DOCK4: variants seen among roughly 807,000 people sequenced by gnomAD.
DOCK4 encodes the protein dedicator of cytokinesis 4, also known as dedicator of cytokinesis protein 4.
In DOCK4, 97 loss-of-function variants were observed where a neutral mutation model predicts 268.1. That is an observed-to-expected ratio of 0.36 (90% CI 0.31 to 0.43). The LOEUF (loss-of-function observed/expected upper bound fraction) is 0.43, where lower values mean the gene tolerates loss of function less well. Among genes scored for constraint, DOCK4 ranks in the 20% least tolerant of loss-of-function variants. The pLI is 1.00. For synonymous variants in DOCK4, 954 were observed against 887.2 expected (o/e 1.08, Z -1.34); for missense variants, 2,145 against 2,455.7 (o/e 0.87, Z 2.67).
Position 111,935,647 on chromosome 7 carries a change from T to A in DOCK4, c.978-19A>T. 1 of 1,599,838 alleles carries A rather than the reference T, an allele frequency of 6.3e-7. No individual in the cohort carries two copies. The highest frequency in any genetic ancestry group is 8.6e-7 in the Non-Finnish European group (1 of 1,167,544). ...GTTACACCTATGAAAACATTAACACTCTGTTAAGCTTTAATGATGCATGCA... is the reference window on the plus strand; with the variant it reads ...GTTACACCTATGAAAACATTAACACACTGTTAAGCTTTAATGATGCATGCA... On this transcript the variant is annotated intron_variant, in intron 11 of 52. Transcript: ENST00000428084.
intron 1 of DOCK4, among the ~76,000 whole-genome samples, chr7:112,082,042 G>A (rs957702169): frequency 2.6e-5 from 3 of 114,168 alleles, no homozygotes; most frequent in East Asian, 2.2e-4. Context: ...GAGTACCTAC[G>A]CTGGAGAGGC....
At chr7:111,783,016 A>AAC in intron 34 of DOCK4, 92 bp from the exon 35 acceptor site, 59 of 1,049,210 alleles carry the variant, frequency 5.6e-5, no homozygotes, top group African/African-American at 9.3e-5. Flanking sequence ...GAAAGAAAGA[A>AAC]AGAAAAAAAA....
chr7:112,196,164 G>A (rs1820411302), intron 1 of DOCK4, among the ~76,000 whole-genome samples: 1 of 152,134 alleles, frequency 6.6e-6, no homozygotes, highest in African/African-American at 2.4e-5. Flanking sequence ...CAACGCGAAG[G>A]ACTGAGCTAA....
chr7:111,779,990 G>A (rs1292915960), intron 35 of DOCK4, among the ~76,000 whole-genome samples: 2 of 152,148 alleles, frequency 1.3e-5, no homozygotes, highest in Non-Finnish European at 2.9e-5. Context: ...CGGTGATGAG[G>A]GAATAAATCT....
intron 36 of DOCK4, among the ~76,000 whole-genome samples, chr7:111,772,354 T>C (rs78480247): frequency 0.078 from 11,897 of 151,802 alleles, 1,098 homozygotes; most frequent in African/African-American, 0.22. Context: ...ATCTGGGTGA[T>C]AGAGTGAGAC....
intron 19 of DOCK4, 53 bp from the exon 20 acceptor site, chr7:111,872,143 T>C: frequency 1.0e-6 from 1 of 985,914 alleles, no homozygotes; most frequent in Non-Finnish European, 1.4e-6. Flanking sequence ...AAGGTTTTCC[T>C]TTTTTTTTTG....
intron 4 of DOCK4, among the ~76,000 whole-genome samples, chr7:111,997,412 T>C (rs1800057801): frequency 6.6e-6 from 1 of 152,230 alleles, no homozygotes; most frequent in Admixed American, 6.5e-5. Context: ...ATAAGACATG[T>C]AGAGTAATGG....
chr7:112,095,257 T>G (rs2135781854), intron 1 of DOCK4, among the ~76,000 whole-genome samples: 1 of 152,228 alleles, frequency 6.6e-6, no homozygotes, highest in East Asian at 1.9e-4. Context: ...GTTAAATCAC[T>G]GAGGAACACA....
intron 26 of DOCK4, among the ~76,000 whole-genome samples, chr7:111,824,069 CTTTAAATGGCTAGACAGA>C (rs1004516216): frequency 2.0e-4 from 31 of 152,290 alleles, no homozygotes; most frequent in Middle Eastern, 3.4e-3. Flanking sequence ...GGTCATCCAT[CTTTAAATGGCTAGACAGA>C]TCCGGTCCAT....
chr7:111,938,691 T>C (rs1794938182), intron 11 of DOCK4, among the ~76,000 whole-genome samples: 2 of 152,170 alleles, frequency 1.3e-5, no homozygotes, highest in African/African-American at 2.4e-5. Context: ...AAAGGTAACG[T>C]TGAAGTCCTA....
chr7:112,009,859 C>A (rs1801148115), intron 1 of DOCK4, among the ~76,000 whole-genome samples: 1 of 152,180 alleles, frequency 6.6e-6, no homozygotes. Context: ...CACCGTCGCC[C>A]AGGCTGGAGT....
chr7:112,105,814 A>G (rs555565413), intron 1 of DOCK4, among the ~76,000 whole-genome samples: 42 of 151,706 alleles, frequency 2.8e-4, no homozygotes, highest in Non-Finnish European at 5.4e-4. Context: ...TCAGCCTCCC[A>G]GGTAGCTGGG....
chr7:111,804,792 G>A (rs1800553265), intron 30 of DOCK4, among the ~76,000 whole-genome samples: 1 of 151,892 alleles, frequency 6.6e-6, no homozygotes, highest in Non-Finnish European at 1.5e-5. Flanking sequence ...CAGAGACGGG[G>A]TTTCGTCATG....
chr7:111,870,704 T>A (rs898290344), intron 20 of DOCK4, among the ~76,000 whole-genome samples: 1 of 152,160 alleles, frequency 6.6e-6, no homozygotes, highest in African/African-American at 2.4e-5. Context: ...AGTAGGTAGA[T>A]GTTGGTGGAG....
intron 8 of DOCK4, chr7:111,971,798 C>A: frequency 3.3e-6 from 1 of 299,558 alleles, no homozygotes; most frequent in Non-Finnish European, 6.3e-6. Flanking sequence ...CAGCCACTTA[C>A]GGGGGATGGC....
chr7:111,855,839 C>G (rs1028314178), intron 23 of DOCK4, among the ~76,000 whole-genome samples: 1 of 152,154 alleles, frequency 6.6e-6, no homozygotes, highest in Non-Finnish European at 1.5e-5. Context: ...GTATTTCCAT[C>G]CTAATATATT....
intron 8 of DOCK4, among the ~76,000 whole-genome samples, chr7:111,947,303 T>G (rs1795694724): frequency 6.6e-6 from 1 of 152,224 alleles, no homozygotes; most frequent in Admixed American, 6.5e-5. Context: ...TTATGGCTGT[T>G]TTGGAACACT....
In DOCK4 at chr7:111,760,245, G is replaced by A. The variant is rs2133588269; in HGVS notation, c.4098C>T (p.Pro1366=). 1.2e-6 allele frequency: 2 copies of A among 1,613,994 alleles called. No homozygotes were observed. The highest frequency in any genetic ancestry group is 1.7e-6 in the Non-Finnish European group (2 of 1,179,888). ...AFQQRMLNEF[P]HAIAMQHANQ... The stretch of plus-strand genomic sequence containing the variant: ...TGGCGTGCTGCATGGCGATGGCATG[G>A]GGGAACTCGTTCAGCATTCTCTGTT... Residue 1366 remains proline (P), a synonymous_variant, in exon 40 of 53, where the codon CCC becomes CCT. Coordinates refer to ENST00000428084, the MANE Select transcript of DOCK4 (RefSeq NM_001363540.2).
intron 30 of DOCK4, 152 bp downstream of exon 30, chr7:111,808,669 T>C (rs1270898511): frequency 2.8e-6 from 2 of 721,262 alleles, no homozygotes; most frequent in African/African-American, 1.8e-5. Flanking sequence ...CCTCATTCAA[T>C]GCCAAAGTGT....
Sources: allele counts gnomAD v4.1 joint callset (sites outside exome capture counted in the v4.1 genomes callset), GRCh38; gene constraint gnomAD v4.1.1; transcripts MANE v1.5; gene names NCBI Gene and HGNC (gene_info 2026-07-23, HGNC 2026-07-21).